Variants in LRRC7 observed in about 807,000 individuals in gnomAD.
LRRC7 encodes leucine-rich repeat-containing protein 7.
Under a neutral mutation model 175.7 loss-of-function variants are expected in LRRC7, and 23 were observed. That is an observed-to-expected ratio of 0.13 (90% CI 0.09 to 0.19). LRRC7 has a LOEUF of 0.19. Ranked by LOEUF, LRRC7 falls within the 10% of genes least tolerant of loss-of-function variation. The pLI is 1.00. For missense variants in LRRC7, 1,354 were observed against 1,904.7 expected, an observed-to-expected ratio of 0.71 and a Z score of 5.38; for synonymous variants, 685 against 680.9, an observed-to-expected ratio of 1.01 and a Z score of -0.09.
chr1:69,569,244 A>G (rs1308202456), intron 1 of LRRC7, among the ~76,000 whole-genome samples: 1 of 152,098 alleles, frequency 6.6e-6, no homozygotes, highest in African/African-American at 2.4e-5. Context: ...ACGAAGGAAC[A>G]TGAAAGACTG....
chr1:69,942,759 A>T (rs1242324373), intron 8 of LRRC7, among the ~76,000 whole-genome samples: 1 of 152,022 alleles, frequency 6.6e-6, no homozygotes, highest in Admixed American at 6.6e-5. Context: ...CCATCTCAAG[A>T]TCCCTAAATT....
intron 7 of LRRC7, among the ~76,000 whole-genome samples, chr1:69,917,590 G>C (rs145471706): frequency 6.6e-6 from 1 of 152,270 alleles, no homozygotes; most frequent in Non-Finnish European, 1.5e-5. Context: ...AAAGAGTGCT[G>C]CTGGTATCTA....
chr1:69,887,988 G>A (rs1645700989), intron 7 of LRRC7, among the ~76,000 whole-genome samples: 1 of 125,540 alleles, frequency 8.0e-6, no homozygotes, highest in Non-Finnish European at 1.7e-5. Flanking sequence ...CAGATCTCCA[G>A]CTGCGTGTTG....
At chr1:69,905,255 A>T (rs978168583) in intron 7 of LRRC7, among the ~76,000 whole-genome samples, 4 of 150,392 alleles carry the variant, frequency 2.7e-5, no homozygotes, top group South Asian at 2.1e-4. Context: ...AGTTCTTTTT[A>T]TTATTATTAT....
intron 2 of LRRC7, among the ~76,000 whole-genome samples, chr1:69,738,018 G>C (rs1448606853): frequency 6.6e-6 from 1 of 152,000 alleles, no homozygotes; most frequent in Non-Finnish European, 1.5e-5. Context: ...TGTCAAATAG[G>C]AAATCTGACT....
chr1:69,930,364 T>C (rs886366543), intron 7 of LRRC7, among the ~76,000 whole-genome samples: 1 of 152,174 alleles, frequency 6.6e-6, no homozygotes, highest in Non-Finnish European at 1.5e-5. Flanking sequence ...ATAAAAGCCC[T>C]ATAAGGTAAT....
At position 70,129,204 on chromosome 1, in the gene LRRC7, G is replaced by A. The variant is rs1348243843; in HGVS notation, c.*7317G>A. On this transcript the variant is annotated 3_prime_UTR_variant, in exon 27 of 27. Transcript: ENST00000651989. ...GGAGGTTGCAGTGAGCTGAGATGGC[G>A]CCACAGCTCTCCAGCCTGGGTGACA... Among the ~76,000 whole-genome samples, 5 of 150,876 alleles carry A rather than the reference G, an allele frequency of 3.3e-5. No homozygotes were observed. The highest frequency in any genetic ancestry group is 1.9e-4 in the East Asian group (1 of 5,136).
intron 24 of LRRC7, among the ~76,000 whole-genome samples, chr1:70,082,471 G>C (rs1663273624): frequency 6.6e-6 from 1 of 152,140 alleles, no homozygotes; most frequent in Non-Finnish European, 1.5e-5. Flanking sequence ...CAGAGAATGT[G>C]TGACTCAACA....
intron 1 of LRRC7, among the ~76,000 whole-genome samples, chr1:69,643,081 G>A (rs927797685): frequency 6.6e-6 from 1 of 152,016 alleles, no homozygotes; most frequent in Middle Eastern, 3.2e-3. Context: ...AAATCTGAAG[G>A]CCCAAGAAGC....
chr1:69,717,818 G>T (rs866116336), intron 2 of LRRC7, among the ~76,000 whole-genome samples: 1 of 24,054 alleles, frequency 4.2e-5, no homozygotes, highest in African/African-American at 2.6e-4. Context: ...AAGAAAGAAA[G>T]AAAGAAAGAA....
chr1:69,683,012 C>A (rs990658882), intron 2 of LRRC7, among the ~76,000 whole-genome samples: 1 of 152,136 alleles, frequency 6.6e-6, no homozygotes, highest in Non-Finnish European at 1.5e-5. Flanking sequence ...CTAGACCAAA[C>A]GTCTCTCTGT....
chr1:70,073,074 C>G (rs976270908), intron 23 of LRRC7, among the ~76,000 whole-genome samples: 2 of 152,130 alleles, frequency 1.3e-5, no homozygotes, highest in African/African-American at 4.8e-5. Context: ...TTAACCTCTT[C>G]CACCCTTAGT....
rs1028207537 is a variant in LRRC7 at position 70,137,181 on chromosome 1, C to T, written c.*15294C>T. On this transcript the variant is annotated 3_prime_UTR_variant, in exon 27 of 27. Transcript: ENST00000651989. ...GTATCATCCTGAATAAATCATATCA[C>T]GGAGAGATAGTCACAGGTTAGCTAA... Among the ~76,000 whole-genome samples, 31 of 152,252 alleles carry T rather than the reference C, an allele frequency of 2.0e-4. No individual in the cohort carries two copies. The highest frequency in any genetic ancestry group is 5.1e-4 in the African/African-American group (21 of 41,532).
In LRRC7 at chr1:70,126,722, G is replaced by A. The variant is rs551369988; in HGVS notation, c.*4835G>A. On this transcript the variant is annotated 3_prime_UTR_variant, in exon 27 of 27. Coordinates refer to ENST00000651989, the MANE Select transcript of LRRC7 (RefSeq NM_001370785.2). ...GGGTCACTATTACAGGAGATCCTGA[G>A]TGTCAGCTCCATTTTGATCTAAACT... Among the ~76,000 whole-genome samples the A allele has an allele frequency of 7.2e-5, 11 of 152,318 alleles. No homozygotes were observed. Among genetic ancestry groups the A allele is most frequent in the Admixed American group, 7.2e-4 (11 of 15,290 alleles).
chr1:69,571,648 A>G (rs963133286), intron 1 of LRRC7, among the ~76,000 whole-genome samples: 2 of 152,082 alleles, frequency 1.3e-5, no homozygotes, highest in African/African-American at 4.8e-5. Context: ...AGAACAGATA[A>G]AATATTGATG....
chr1:69,587,850 A>G (rs1429519744), intron 1 of LRRC7, among the ~76,000 whole-genome samples: 1 of 152,094 alleles, frequency 6.6e-6, no homozygotes, highest in East Asian at 1.9e-4. Context: ...AAGTTTCCTG[A>G]GGCCTCCCAG....
chr1:69,605,138 G>A (rs1204057015), intron 1 of LRRC7, among the ~76,000 whole-genome samples: 2 of 152,114 alleles, frequency 1.3e-5, no homozygotes. Flanking sequence ...GGAGGTAATT[G>A]AATCATGGGG....
intron 8 of LRRC7, among the ~76,000 whole-genome samples, chr1:69,961,145 A>C (rs778426324): frequency 1.3e-5 from 2 of 152,246 alleles, no homozygotes; most frequent in Non-Finnish European, 2.9e-5. Context: ...CTCAGGATAT[A>C]AAATCAATAT....
intron 2 of LRRC7, among the ~76,000 whole-genome samples, chr1:69,720,226 A>G (rs1407648303): frequency 6.6e-6 from 1 of 151,496 alleles, no homozygotes; most frequent in Admixed American, 6.6e-5. Flanking sequence ...AAATAAACAG[A>G]TACTTCTTGT....
Sources: allele counts gnomAD v4.1 joint callset (sites outside exome capture counted in the v4.1 genomes callset), GRCh38; gene constraint gnomAD v4.1.1; transcripts MANE v1.5; gene names NCBI Gene and HGNC (gene_info 2026-07-23, HGNC 2026-07-21).